Variants in EFL1 observed in about 807,000 individuals in gnomAD.
The protein encoded by EFL1 is elongation factor like GTPase 1.
Under a neutral mutation model 126.7 loss-of-function variants are expected in EFL1, and 76 were observed. The ratio of observed to expected loss-of-function variants is 0.60; its 90% CI spans 0.50 to 0.73. The LOEUF (loss-of-function observed/expected upper bound fraction) is 0.73, where lower values mean the gene tolerates loss of function less well. Ranked by LOEUF, EFL1 falls within the 30% of genes least tolerant of loss-of-function variation. The pLI is 0.00. For missense variants in EFL1, 1,128 were observed against 1,343.2 expected, an observed-to-expected ratio of 0.84 and a Z score of 2.50; for synonymous variants, 410 against 448.4, an observed-to-expected ratio of 0.91 and a Z score of 1.08.
intron 2 of EFL1, 63 bp downstream of exon 2, chr15:82,261,625 T>C (rs976850825): frequency 1.4e-6 from 2 of 1,475,582 alleles, no homozygotes; most frequent in African/African-American, 2.8e-5. Context: ...TTCACTCCAC[T>C]GAGACATACA....
chr15:82,208,345 C>A (rs553994713), intron 15 of EFL1, among the ~76,000 whole-genome samples: 1 of 152,154 alleles, frequency 6.6e-6, no homozygotes, highest in Non-Finnish European at 1.5e-5. Context: ...ATACGGCAAC[C>A]GCTAGCCATA....
In EFL1 at chr15:82,151,720, T is replaced by G. The variant is rs1033416523; in HGVS notation, c.2734A>C (p.Lys912Gln). The G allele has an allele frequency of 2.5e-6, 4 of 1,614,186 alleles. No individual in the cohort carries two copies. Among genetic ancestry groups the G allele is most frequent in the South Asian group, 2.2e-5 (2 of 91,082 alleles). ...GTTTCATTTTCCTCCTGTCCCTCTT[T>G]TGCCAGATCACTTGCTCCTTGTTCC... ...FEEQGASDLA[K>Q]EGQEENETCS... The change falls in exon 18 of 20, where the codon AAA (lysine) becomes CAA (glutamine). Residue 912 changes from lysine to glutamine, a missense_variant. Physicochemically the swap from Lys to Gln is moderately conservative, Grantham distance 53. This residue lies in a region of EFL1 where 561 missense variants were observed against 641.7 expected (regional missense o/e 0.87). Coordinates refer to ENST00000268206, the MANE Select transcript of EFL1 (RefSeq NM_024580.6).
intron 15 of EFL1, among the ~76,000 whole-genome samples, chr15:82,187,159 T>C (rs1386813184): frequency 1.3e-5 from 2 of 152,240 alleles, no homozygotes; most frequent in Admixed American, 1.3e-4. Flanking sequence ...GCACTAGTGC[T>C]ACTGTAGTGC....
chr15:82,154,960 C>A (rs866565315), intron 17 of EFL1, among the ~76,000 whole-genome samples: 1 of 152,108 alleles, frequency 6.6e-6, no homozygotes, highest in Non-Finnish European at 1.5e-5. Flanking sequence ...TGAGGTCTTG[C>A]TATGTTACCC....
intron 18 of EFL1, among the ~76,000 whole-genome samples, chr15:82,150,773 G>A (rs1238901470): frequency 6.6e-6 from 1 of 152,150 alleles, no homozygotes; most frequent in Non-Finnish European, 1.5e-5. Flanking sequence ...GCCCTTTTGT[G>A]TTATGAGTAC....
intron 15 of EFL1, among the ~76,000 whole-genome samples, chr15:82,171,680 A>G (rs1487615612): frequency 6.6e-6 from 1 of 152,156 alleles, no homozygotes; most frequent in Non-Finnish European, 1.5e-5. Flanking sequence ...AAAAGATACC[A>G]AACAAATATG....
intron 15 of EFL1, among the ~76,000 whole-genome samples, chr15:82,177,113 G>A (rs2074203162): frequency 6.6e-6 from 1 of 152,148 alleles, no homozygotes; most frequent in African/African-American, 2.4e-5. Flanking sequence ...ATGTTTGTAA[G>A]GTTCTGTTTC....
At chr15:82,203,439 A>T (rs1301285914) in intron 15 of EFL1, among the ~76,000 whole-genome samples, 1 of 152,090 alleles carries the variant, frequency 6.6e-6, no homozygotes, top group Admixed American at 6.5e-5. Context: ...CGTGTGGCGC[A>T]ATCTTGGCTC....
chr15:82,239,719 G>GC (rs2074911826), intron 6 of EFL1, among the ~76,000 whole-genome samples: 1 of 152,148 alleles, frequency 6.6e-6, no homozygotes, highest in Non-Finnish European at 1.5e-5. Flanking sequence ...ACTGTACTGT[G>GC]CTTTTTCTTG....
intron 15 of EFL1, among the ~76,000 whole-genome samples, chr15:82,185,465 GAAA>G (rs1223678425): frequency 3.3e-5 from 5 of 151,834 alleles, no homozygotes; most frequent in Non-Finnish European, 7.4e-5. Context: ...AAGACATTCA[GAAA>G]AAAATTTTAA....
At chr15:82,180,376 AAAAAAAACAAAC>A (rs1567052925) in intron 15 of EFL1, among the ~76,000 whole-genome samples, 22 of 147,406 alleles carry the variant, frequency 1.5e-4, no homozygotes, top group African/African-American at 5.0e-4. Flanking sequence ...AAAAAAACAA[AAAAAAAACAAAC>A]AAAAAAAACC....
Position 82,138,704 on chromosome 15 carries a change from CT to C in EFL1, c.3127del (p.Arg1043GlyfsTer10). 1 of 1,614,016 alleles carries C rather than the reference CT, an allele frequency of 6.2e-7. No individual in the cohort carries two copies. Among genetic ancestry groups the C allele is most frequent in the Non-Finnish European group, 8.5e-7 (1 of 1,179,910 alleles). On this transcript the variant is annotated frameshift_variant, in exon 19 of 20. Transcript: ENST00000268206. LOFTEE classifies it high-confidence loss of function. ...SFGFADEIRK[R>X]TSGLASPQLV... ...TTGTGGGCTGGCCAGGCCACTTGTC[CT>C]CTTCCTGATTTCATCAGCAAAACCA...
At chr15:82,257,290 C>T (rs1316562569) in intron 3 of EFL1, among the ~76,000 whole-genome samples, 1 of 152,172 alleles carries the variant, frequency 6.6e-6, no homozygotes, top group African/African-American at 2.4e-5. Context: ...ACTTCTGCAG[C>T]ATTTTTCTTT....
At chr15:82,236,215 T>TC (rs1038916175) in intron 7 of EFL1, among the ~76,000 whole-genome samples, 2 of 152,040 alleles carry the variant, frequency 1.3e-5, no homozygotes, top group African/African-American at 4.8e-5. Context: ...TAGAAAAAAT[T>TC]CAACATAGCA....
At chr15:82,180,537 T>C (rs968916626) in intron 15 of EFL1, among the ~76,000 whole-genome samples, 2 of 152,044 alleles carry the variant, frequency 1.3e-5, no homozygotes, top group Non-Finnish European at 2.9e-5. Context: ...TATTCAGCCA[T>C]GAGAAATCAT....
intron 7 of EFL1, among the ~76,000 whole-genome samples, chr15:82,234,197 T>G (rs1200063754): frequency 2.9e-4 from 44 of 152,208 alleles, no homozygotes; most frequent in Non-Finnish European, 1.6e-4. Context: ...TGAAAATCAA[T>G]GTAAGAAAGG....
intron 3 of EFL1, among the ~76,000 whole-genome samples, chr15:82,254,042 T>C (rs1270631056): frequency 6.6e-6 from 1 of 152,244 alleles, no homozygotes; most frequent in East Asian, 1.9e-4. Context: ...AACTGCCACA[T>C]TTATTCATCC....
chr15:82,208,759 T>C (rs780739289), intron 15 of EFL1, among the ~76,000 whole-genome samples: 1 of 151,802 alleles, frequency 6.6e-6, no homozygotes, highest in Non-Finnish European at 1.5e-5. Context: ...TAAGAATGCA[T>C]CAATAAAATT....
chr15:82,175,063 GAGACAGAGATGA>G (rs2074179797), intron 15 of EFL1, among the ~76,000 whole-genome samples: 1 of 152,204 alleles, frequency 6.6e-6, no homozygotes, highest in South Asian at 2.1e-4. Context: ...CACCACAGGG[GAGACAGAGATGA>G]AGACAGAAAT....
Sources: allele counts gnomAD v4.1 joint callset (sites outside exome capture counted in the v4.1 genomes callset), GRCh38; gene constraint gnomAD v4.1.1; regional missense constraint gnomAD v4.1.1; transcripts MANE v1.5; gene names NCBI Gene and HGNC (gene_info 2026-07-23, HGNC 2026-07-21).